Variants in RGS6 observed in about 807,000 individuals in gnomAD.
The protein encoded by RGS6 is regulator of G-protein signaling 6.
In RGS6, 30 loss-of-function variants were observed where a neutral mutation model predicts 78.5. The ratio of observed to expected loss-of-function variants is 0.38; its 90% confidence interval spans 0.29 to 0.52. The LOEUF is 0.52. Among genes scored for constraint, RGS6 ranks in the 20% least tolerant of loss-of-function variants. The pLI is 0.85. For synonymous variants in RGS6, 206 were observed against 206.0 expected, an observed-to-expected ratio of 1.00 and a Z score of 0.00; for missense variants, 495 against 609.7, an observed-to-expected ratio of 0.81 and a Z score of 1.98.
intron 2 of RGS6, among the ~76,000 whole-genome samples, chr14:72,162,553 A>G (rs2153663575): frequency 6.6e-6 from 1 of 152,302 alleles, no homozygotes; most frequent in East Asian, 1.9e-4. Flanking sequence ...GGGGCCAGGC[A>G]ACTGTAAGAC....
intron 2 of RGS6, among the ~76,000 whole-genome samples, chr14:72,239,339 T>A (rs1309506948): frequency 6.6e-6 from 1 of 152,164 alleles, no homozygotes; most frequent in Non-Finnish European, 1.5e-5. Flanking sequence ...TACTTTGCCA[T>A]TTTGTCTCTT....
At chr14:72,164,902 G>A (rs1049798279) in intron 2 of RGS6, among the ~76,000 whole-genome samples, 6 of 152,180 alleles carry the variant, frequency 3.9e-5, no homozygotes, top group Non-Finnish European at 7.3e-5. Context: ...ATGGCTGACT[G>A]TGCCTGCCGT....
the RGS6 span, among the ~76,000 whole-genome samples, chr14:71,894,154 G>A: frequency 2.0e-5 from 3 of 152,078 alleles, no homozygotes; most frequent in African/African-American, 7.2e-5. Flanking sequence ...AAACCAGAGC[G>A]ACTCCATTTT....
intron 3 of RGS6, among the ~76,000 whole-genome samples, chr14:72,415,475 C>T (rs747301597): frequency 3.2e-4 from 49 of 152,258 alleles, no homozygotes; most frequent in Non-Finnish European, 6.5e-4. Flanking sequence ...TTTCCTGACC[C>T]CTTGCGCTTC....
chr14:72,278,025 A>G (rs763742198), intron 2 of RGS6, among the ~76,000 whole-genome samples: 16 of 152,180 alleles, frequency 1.1e-4, no homozygotes, highest in Non-Finnish European at 1.5e-4. Context: ...AGCCCAGTCC[A>G]TGAAAGTAAA....
At chr14:71,955,944 G>T (rs1233576524) in intron 1 of RGS6, among the ~76,000 whole-genome samples, 1 of 152,122 alleles carries the variant, frequency 6.6e-6, no homozygotes, top group African/African-American at 2.4e-5. Flanking sequence ...TTCAGTGAGG[G>T]TGTCTGAAGA....
intron 13 of RGS6, among the ~76,000 whole-genome samples, chr14:72,499,155 A>C (rs1043176896): frequency 1.3e-5 from 2 of 152,026 alleles, no homozygotes; most frequent in African/African-American, 4.8e-5. Flanking sequence ...TCCCTCCACT[A>C]ATGGGTCTTA....
At chr14:72,577,079 A>G in the RGS6 span, among the ~76,000 whole-genome samples, 1 of 152,228 alleles carries the variant, frequency 6.6e-6, no homozygotes, top group Non-Finnish European at 1.5e-5. Context: ...AGTCATCTTC[A>G]TGCATATCTG....
chr14:72,198,801 T>G (rs2040814627), intron 2 of RGS6, among the ~76,000 whole-genome samples: 1 of 152,158 alleles, frequency 6.6e-6, no homozygotes, highest in Non-Finnish European at 1.5e-5. Flanking sequence ...AAATGACCAG[T>G]GTGGTAGATA....
chr14:72,534,272 C>A (rs1488250482), intron 15 of RGS6, among the ~76,000 whole-genome samples: 1 of 152,116 alleles, frequency 6.6e-6, no homozygotes, highest in South Asian at 2.1e-4. Context: ...AAGGTATGTA[C>A]CTTGTTTTTT....
At chr14:72,378,483 C>A (rs2085287874) in intron 3 of RGS6, among the ~76,000 whole-genome samples, 1 of 151,690 alleles carries the variant, frequency 6.6e-6, no homozygotes, top group Admixed American at 6.6e-5. Context: ...AAAGAGAAGA[C>A]TCAAATAAAT....
chr14:72,239,670 T>C (rs1430494935), intron 2 of RGS6, among the ~76,000 whole-genome samples: 4 of 152,100 alleles, frequency 2.6e-5, no homozygotes, highest in Non-Finnish European at 4.4e-5. Flanking sequence ...CCGGAAGCAG[T>C]AGGACAGTGG....
At chr14:72,295,885 C>T (rs2152364751) in intron 2 of RGS6, among the ~76,000 whole-genome samples, 1 of 152,326 alleles carries the variant, frequency 6.6e-6, no homozygotes, top group South Asian at 2.1e-4. Context: ...TTTTGAGGTA[C>T]ATTTACATAC....
At chr14:72,191,438 C>T (rs1200036697) in intron 2 of RGS6, among the ~76,000 whole-genome samples, 1 of 152,080 alleles carries the variant, frequency 6.6e-6, no homozygotes, top group African/African-American at 2.4e-5. Flanking sequence ...AAAGACATAC[C>T]CCAGATTGGG....
intron 2 of RGS6, among the ~76,000 whole-genome samples, chr14:72,111,711 C>G (rs2095767061): frequency 6.6e-6 from 1 of 152,148 alleles, no homozygotes; most frequent in African/African-American, 2.4e-5. Context: ...AAGAAGACCA[C>G]ATTTGTATAT....
chr14:72,248,832 C>A (rs183508892), intron 2 of RGS6, among the ~76,000 whole-genome samples: 1 of 152,284 alleles, frequency 6.6e-6, no homozygotes, highest in African/African-American at 2.4e-5. Flanking sequence ...GTAATTTTAA[C>A]CTACAGGTTG....
intron 2 of RGS6, among the ~76,000 whole-genome samples, chr14:72,263,449 C>T (rs2058514577): frequency 6.6e-6 from 1 of 152,124 alleles, no homozygotes; most frequent in Non-Finnish European, 1.5e-5. Flanking sequence ...GGTCTCTCTG[C>T]ACTCCTCCTC....
chr14:71,986,514 A>G (rs969364473), intron 2 of RGS6, among the ~76,000 whole-genome samples: 8 of 152,056 alleles, frequency 5.3e-5, no homozygotes, highest in African/African-American at 1.7e-4. Flanking sequence ...CAGCCTGGCC[A>G]ACATGATGAG....
the RGS6 span, among the ~76,000 whole-genome samples, chr14:71,883,669 G>A: frequency 6.6e-6 from 1 of 152,178 alleles, no homozygotes; most frequent in Non-Finnish European, 1.5e-5. Context: ...GATAAAACAT[G>A]TTGCAGTAAA....
Sources: allele counts gnomAD v4.1 joint callset (sites outside exome capture counted in the v4.1 genomes callset), GRCh38; gene constraint gnomAD v4.1.1; transcripts MANE v1.5; gene names NCBI Gene and HGNC (gene_info 2026-07-23, HGNC 2026-07-21).